The following PTH2R variants were observed in gnomAD, a reference collection of about 807,000 sequenced individuals.
PTH2R encodes the protein parathyroid hormone 2 receptor.
PTH2R carries 59 observed loss-of-function variants against 60.3 expected under a neutral mutation model. The observed-to-expected ratio is 0.98, with a 90% CI of 0.79 to 1.22. The LOEUF is 1.22. PTH2R is among the 50% of genes most tolerant of loss of function. PTH2R has a pLI of 0.00. For synonymous variants in PTH2R, 256 were observed against 243.8 expected (o/e 1.05, Z -0.47); for missense variants, 749 against 682.6 (o/e 1.10, Z -1.08).
Position 208,494,067 on chromosome 2 carries a change from A to G in PTH2R, c.*408A>G, listed in dbSNP as rs1212367232. The G allele has an allele frequency of 6.5e-6, 1 of 154,892 alleles. No individual in the cohort carries two copies. The highest frequency in any genetic ancestry group is 1.4e-5 in the Non-Finnish European group (1 of 69,970). The allele number at this position is 154,892 out of a possible 1,614,324, so 9.6% of individuals were successfully genotyped here. ...TAGTATTCTCTTATTTCTTACTTTA[A>G]TGTACTTCTATCACTGCATTTATTT... On this transcript the variant is annotated 3_prime_UTR_variant, in exon 13 of 13. Transcript: ENST00000272847.
chr2:208,387,632 A>G (rs1212130840), intron 1 of PTH2R, among the ~76,000 whole-genome samples: 1 of 152,208 alleles, frequency 6.6e-6, no homozygotes, highest in Non-Finnish European at 1.5e-5. Flanking sequence ...CAATTAGATG[A>G]TCATTTTCCA....
At chr2:208,409,614 A>G (rs1052590820) in intron 1 of PTH2R, among the ~76,000 whole-genome samples, 6 of 152,358 alleles carry the variant, frequency 3.9e-5, no homozygotes, top group African/African-American at 1.4e-4. Flanking sequence ...GCTTGTGTAG[A>G]GTAAATATTT....
At chr2:208,389,556 A>G (rs1701068178) in intron 1 of PTH2R, among the ~76,000 whole-genome samples, 1 of 152,160 alleles carries the variant, frequency 6.6e-6, no homozygotes, top group African/African-American at 2.4e-5. Flanking sequence ...TTAGTTTGCC[A>G]GTTGTTTTCA....
chr2:208,453,545 G>C (rs1202315374), intron 8 of PTH2R, among the ~76,000 whole-genome samples: 1 of 152,138 alleles, frequency 6.6e-6, no homozygotes, highest in Non-Finnish European at 1.5e-5. Flanking sequence ...TTCCAAATGG[G>C]CATAAATGAA....
chr2:208,365,960 ATTTTTTTTTTTTTTTTT>A (rs1172950601), intron 1 of PTH2R, among the ~76,000 whole-genome samples: 246 of 16,072 alleles, frequency 0.015, 1 homozygote, highest in African/African-American at 0.02. Flanking sequence ...ATATATATAT[ATTTTTTTTTTTTTTTTT>A]TTTTTTTTTT....
At chr2:208,446,753 C>A (rs933036554) in intron 7 of PTH2R, among the ~76,000 whole-genome samples, 3 of 152,146 alleles carry the variant, frequency 2.0e-5, no homozygotes, top group African/African-American at 7.2e-5. Context: ...ATATCAAAAT[C>A]TGTTTGATTT....
intron 8 of PTH2R, among the ~76,000 whole-genome samples, chr2:208,455,090 T>C (rs1206738671): frequency 6.6e-6 from 1 of 152,226 alleles, no homozygotes; most frequent in African/African-American, 2.4e-5. Context: ...CCCTTTATGC[T>C]ATTTGAATTT....
rs1415310281 is a variant in PTH2R at position 208,401,466 on chromosome 2, A to C, written c.-258-26735A>C. Among the ~76,000 whole-genome samples the C allele has an allele frequency of 4.7e-5, 7 of 148,714 alleles. No homozygotes were observed. In the East Asian group the frequency reaches 1.4e-3, roughly 29 times the overall value. ...AAAGGTTTTTTTTTTTTGCCCCGTC[A>C]TTCCTTTTACCTTCCAAACCGCTCA... On this transcript the variant is annotated intron_variant, in intron 1 of 12. Transcript: ENST00000617735.
upstream of PTH2R, among the ~76,000 whole-genome samples, chr2:208,402,652 T>C (rs192536306): frequency 6.6e-6 from 1 of 152,326 alleles, no homozygotes; most frequent in Non-Finnish European, 1.5e-5. Flanking sequence ...TTTCTTGTGG[T>C]ATTTGGTACA....
Position 208,397,114 on chromosome 2 carries a change from T to C in PTH2R, c.-258-31087T>C, listed in dbSNP as rs549899287. On this transcript the variant is annotated intron_variant, in intron 1 of 12. Coordinates refer to the PTH2R transcript ENST00000617735. Reference sequence around the variant, plus strand: ...GGTGGGAATTGAACAATGAGAACACTTGGACACAGGGAAGGGAATATCACA... The same window carrying C: ...GGTGGGAATTGAACAATGAGAACACCTGGACACAGGGAAGGGAATATCACA... Among the ~76,000 whole-genome samples the C allele has an allele frequency of 3.2e-4, 48 of 151,966 alleles. 2 individuals are homozygous for C. The South Asian group carries it at 9.2e-3, about 29-fold the overall frequency.
chr2:208,421,101 A>G (rs2105846687), intron 1 of PTH2R, among the ~76,000 whole-genome samples: 1 of 152,326 alleles, frequency 6.6e-6, no homozygotes, highest in South Asian at 2.1e-4. Context: ...AGAGAAAAGG[A>G]TGAGTAATAG....
chr2:208,465,393 T>A, intron 9 of PTH2R, among the ~76,000 whole-genome samples: 1 of 99,300 alleles, frequency 1.0e-5, no homozygotes, highest in Non-Finnish European at 2.1e-5. Context: ...TAAGTCTTTT[T>A]TTTTTTTTTT....
At chr2:208,448,103 A>G (rs1431845398) in intron 7 of PTH2R, among the ~76,000 whole-genome samples, 3 of 152,196 alleles carry the variant, frequency 2.0e-5, no homozygotes, top group Non-Finnish European at 4.4e-5. Context: ...ATGTTCCCTG[A>G]AAATAATCAG....
At chr2:208,429,545 A>G (rs927166422) in intron 2 of PTH2R, among the ~76,000 whole-genome samples, 1 of 152,168 alleles carries the variant, frequency 6.6e-6, no homozygotes, top group Non-Finnish European at 1.5e-5. Flanking sequence ...AAAAAAATTT[A>G]AAACACTAGT....
chr2:208,483,007 C>A (rs2105906864), intron 10 of PTH2R, among the ~76,000 whole-genome samples: 1 of 152,282 alleles, frequency 6.6e-6, no homozygotes, highest in African/African-American at 2.4e-5. Context: ...TTTACATAAT[C>A]CTGCATGCAA....
chr2:208,360,993 G>C, intron 1 of PTH2R: 1 of 226,182 alleles, frequency 4.4e-6, no homozygotes, highest in South Asian at 7.4e-5. Context: ...TGGAGCCAAT[G>C]GGCTTCTTGA....
chr2:208,367,096 AT>A (rs35169172), intron 1 of PTH2R, among the ~76,000 whole-genome samples: 19,020 of 145,894 alleles, frequency 0.13, 1,297 homozygotes, highest in African/African-American at 0.2. Flanking sequence ...AACTTCTTTA[AT>A]TTTTTTTTTT....
chr2:208,384,601 C>G (rs934412958), intron 1 of PTH2R, among the ~76,000 whole-genome samples: 1 of 152,148 alleles, frequency 6.6e-6, no homozygotes, highest in Non-Finnish European at 1.5e-5. Flanking sequence ...TAAACACACA[C>G]AGTTTTCTTT....
chr2:208,442,196 A>G (rs1702198545), intron 4 of PTH2R, among the ~76,000 whole-genome samples, 168 bp from the exon 5 acceptor site: 1 of 152,104 alleles, frequency 6.6e-6, no homozygotes, highest in African/African-American at 2.4e-5. Flanking sequence ...GTTTGTCAAA[A>G]CCTATCAAAA....
Sources: gnomAD v4.1 joint callset for allele counts (sites outside exome capture counted in the v4.1 genomes callset) on GRCh38, gnomAD v4.1.1 for gene constraint, MANE v1.5 for transcripts, NCBI Gene and HGNC (gene_info 2026-07-23, HGNC 2026-07-21) for gene names.